The following ASAP3 variants were observed in gnomAD, a reference collection of about 807,000 sequenced individuals.
ASAP3 encodes the protein ArfGAP with SH3 domain, ankyrin repeat and PH domain 3.
A neutral mutation model predicts 118.2 loss-of-function variants in ASAP3; 85 were observed. That is an observed-to-expected ratio of 0.72 (90% CI 0.60 to 0.86). ASAP3 has a LOEUF of 0.86. ASAP3 is among the 40% of genes least tolerant of loss of function. ASAP3 has a pLI of 0.00. For synonymous variants in ASAP3, 432 were observed against 477.4 expected, an observed-to-expected ratio of 0.90 and a Z score of 1.24; for missense variants, 1,026 against 1,175.0, an observed-to-expected ratio of 0.87 and a Z score of 1.85.
chr1:23,453,288 C>T (rs1641282689), intron 3 of ASAP3, among the ~76,000 whole-genome samples: 1 of 152,190 alleles, frequency 6.6e-6, no homozygotes, highest in Admixed American at 6.5e-5. Context: ...TGGGGAACTC[C>T]TCCTCTGTGG....
intron 5 of ASAP3, among the ~76,000 whole-genome samples, chr1:23,445,328 G>A (rs527300587): frequency 6.6e-6 from 1 of 152,196 alleles, no homozygotes; most frequent in African/African-American, 2.4e-5. Context: ...TGTCTCTACA[G>A]AAAAATTTAA....
rs1206148186 is a variant in ASAP3 at position 23,441,416 on chromosome 1, G to A, written c.805C>T (p.Arg269Ter). Residue 269 changes from arginine to a stop codon, truncating the protein, a stop_gained, in exon 9 of 25, where the codon CGA (arginine) becomes TGA (stop). Transcript: ENST00000336689. LOFTEE classifies it high-confidence loss of function. ...CTGCTCTCAAGCTGCAGTGTCCCTC[G>A]GAGGGAGTCCCGGAGCTGGGTCAGC... ...QKLTQLRDSL[R>*]GTLQLESREE... 7.4e-6 allele frequency: 12 copies of A among 1,614,140 alleles called. No homozygotes were observed. The highest frequency in any genetic ancestry group is 1.7e-5 in the Admixed American group (1 of 60,010).
intron 1 of ASAP3, among the ~76,000 whole-genome samples, chr1:23,457,224 T>A (rs1172676090): frequency 6.6e-6 from 1 of 151,960 alleles, no homozygotes; most frequent in Non-Finnish European, 1.5e-5. Flanking sequence ...CAGTGTTCCA[T>A]CCATGTACCA....
chr1:23,457,797 G>A (rs537645075), intron 1 of ASAP3, among the ~76,000 whole-genome samples: 1 of 152,348 alleles, frequency 6.6e-6, no homozygotes, highest in Admixed American at 6.5e-5. Flanking sequence ...ACAGGCATGA[G>A]CCACCGTGCC....
intron 1 of ASAP3, among the ~76,000 whole-genome samples, chr1:23,475,131 T>A (rs1420944557): frequency 6.6e-6 from 1 of 152,176 alleles, no homozygotes; most frequent in Non-Finnish European, 1.5e-5. Context: ...AAACAACAAA[T>A]TCTTGCTTTT....
intron 1 of ASAP3, among the ~76,000 whole-genome samples, chr1:23,481,095 G>A (rs531159303): frequency 7.2e-5 from 11 of 152,166 alleles, no homozygotes; most frequent in African/African-American, 1.7e-4. Flanking sequence ...CTATCCAGCC[G>A]CAGGAGCTTG....
chr1:23,456,391 C>A (rs1472618695), intron 1 of ASAP3, among the ~76,000 whole-genome samples, 197 bp from the exon 2 acceptor site: 1 of 152,152 alleles, frequency 6.6e-6, no homozygotes, highest in African/African-American at 2.4e-5. Context: ...AACCACAGAC[C>A]AGTCACACCA....
chr1:23,483,592 C>CG (rs1469545880), intron 1 of ASAP3, among the ~76,000 whole-genome samples: 8 of 151,444 alleles, frequency 5.3e-5, no homozygotes, highest in Admixed American at 5.3e-4. Flanking sequence ...TCTCTGCAGC[C>CG]GGGGGGAAGA....
chr1:23,480,011 A>G (rs1337054779), intron 1 of ASAP3: 1 of 151,970 alleles, frequency 6.6e-6, no homozygotes, highest in Non-Finnish European at 1.5e-5. Flanking sequence ...CCAACCCTAC[A>G]AAAAATACAA....
chr1:23,435,358 A>C (rs956303458), intron 17 of ASAP3, among the ~76,000 whole-genome samples: 3 of 152,248 alleles, frequency 2.0e-5, no homozygotes, highest in Non-Finnish European at 2.9e-5. Flanking sequence ...CGAATCAGTC[A>C]GCAACTCCTG....
intron 1 of ASAP3, among the ~76,000 whole-genome samples, chr1:23,460,132 A>AAAATTGAAAAAT (rs1641523160): frequency 6.6e-6 from 1 of 152,250 alleles, no homozygotes; most frequent in South Asian, 2.1e-4. Context: ...GTGGCTTTAA[A>AAAATTGAAAAAT]AAATTGAAAA....
Position 23,431,780 on chromosome 1 carries a change from C to A in ASAP3, c.2462G>T (p.Gly821Val). Residue 821 changes from glycine (G) to valine (V), a missense_variant, in exon 23 of 25, where the codon GGC becomes GTC. Transcript: ENST00000336689. ...PSQAPPNSEEGLREPPGTSRP... is the reference protein window; with the variant it reads ...PSQAPPNSEEVLREPPGTSRP... ...GGAGGTGCCTGGGGGCTCTCGGAGG[C>A]CCTCTTCAGAGTTGGGTGGGGCTTG... 1.3e-6 allele frequency: 2 copies of A among 1,534,070 alleles called. No homozygotes were observed. Among genetic ancestry groups the A allele is most frequent in the African/African-American group, 1.4e-5 (1 of 70,744 alleles).
In ASAP3 at chr1:23,434,251, C is replaced by T; in HGVS notation, c.1951+3G>A. On this transcript the variant is annotated splice_donor_region_variant and intron_variant, in intron 19 of 24. Transcript: ENST00000336689. ...TCTGACGGAGGAGGTATTCAAGCCC[C>T]ACCTGTGCCAACCAAAGCTCTCCCC... 6.2e-7 allele frequency: 1 copy of T among 1,614,054 alleles called. No individual in the cohort carries two copies. Among genetic ancestry groups the T allele is most frequent in the Non-Finnish European group, 8.5e-7 (1 of 1,179,952 alleles).
At chr1:23,473,016 T>C (rs904246631) in intron 1 of ASAP3, among the ~76,000 whole-genome samples, 2 of 152,020 alleles carry the variant, frequency 1.3e-5, no homozygotes, top group African/African-American at 4.8e-5. Context: ...ATGCTACAGG[T>C]TGTCAATCAA....
intron 1 of ASAP3, among the ~76,000 whole-genome samples, chr1:23,463,065 TG>T (rs1421099841): frequency 6.6e-6 from 1 of 152,178 alleles, no homozygotes; most frequent in Admixed American, 6.5e-5. Context: ...AGGCGTGCTC[TG>T]GGAAGAATGG....
At chr1:23,447,550 A>G (rs1641088711) in intron 5 of ASAP3, among the ~76,000 whole-genome samples, 1 of 152,208 alleles carries the variant, frequency 6.6e-6, no homozygotes, top group Non-Finnish European at 1.5e-5. Flanking sequence ...AGGGGGAACC[A>G]CTGTAATGAC....
chr1:23,469,405 A>T (rs539096040), intron 1 of ASAP3, among the ~76,000 whole-genome samples: 1 of 152,164 alleles, frequency 6.6e-6, no homozygotes. Context: ...GTTTTATTCT[A>T]TAAGTGATGG....
At chr1:23,445,368 A>G (rs1641017316) in intron 5 of ASAP3, among the ~76,000 whole-genome samples, 1 of 152,046 alleles carries the variant, frequency 6.6e-6, no homozygotes, top group Non-Finnish European at 1.5e-5. Context: ...GTGTGTGCCT[A>G]TAGTCCCAGC....
intron 4 of ASAP3, 40 bp downstream of exon 4, chr1:23,452,657 T>C (rs1313968724): frequency 1.3e-6 from 2 of 1,599,804 alleles, no homozygotes; most frequent in East Asian, 4.5e-5. Flanking sequence ...CCACCCCTCT[T>C]TTACTCTGTC....
Sources: gnomAD v4.1 joint callset for allele counts (sites outside exome capture counted in the v4.1 genomes callset) on GRCh38, gnomAD v4.1.1 for gene constraint, MANE v1.5 for transcripts, NCBI Gene and HGNC (gene_info 2026-07-23, HGNC 2026-07-21) for gene names.